SH3RF1: variants seen among roughly 807,000 people sequenced by gnomAD.
The protein encoded by SH3RF1 is SH3 domain containing ring finger 1, also known as E3 ubiquitin-protein ligase SH3RF1.
Under a neutral mutation model 74.0 loss-of-function variants are expected in SH3RF1, and 32 were observed. The ratio of observed to expected loss-of-function variants is 0.43; its 90% CI spans 0.33 to 0.58. The LOEUF (loss-of-function observed/expected upper bound fraction) is 0.58. Among genes scored for constraint, SH3RF1 ranks in the 20% least tolerant of loss-of-function variants. The pLI, the probability that SH3RF1 is intolerant of heterozygous loss-of-function variation, is 0.05. For missense variants in SH3RF1, 954 were observed against 1,130.9 expected (o/e 0.84, Z 2.24); for synonymous variants, 396 against 439.6 (o/e 0.90, Z 1.24).
chr4:169,258,184 C>T (rs1168095948), intron 2 of SH3RF1, among the ~76,000 whole-genome samples: 1 of 152,198 alleles, frequency 6.6e-6, no homozygotes, highest in East Asian at 1.9e-4. Flanking sequence ...AATCACATAG[C>T]CAGGACTAGA....
At chr4:169,209,659 C>G (rs1476031379) in intron 2 of SH3RF1, among the ~76,000 whole-genome samples, 1 of 152,210 alleles carries the variant, frequency 6.6e-6, no homozygotes, top group Admixed American at 6.5e-5. Flanking sequence ...TTAACTCACA[C>G]TGTGACATAA....
intron 2 of SH3RF1, among the ~76,000 whole-genome samples, chr4:169,180,136 T>C (rs1734483638): frequency 6.6e-6 from 1 of 152,212 alleles, no homozygotes; most frequent in Admixed American, 6.5e-5. Context: ...CAGCAAAGGC[T>C]AAAGAAACAA....
At chr4:169,215,941 C>G (rs1018728972) in intron 2 of SH3RF1, among the ~76,000 whole-genome samples, 1 of 151,980 alleles carries the variant, frequency 6.6e-6, no homozygotes, top group African/African-American at 2.4e-5. Context: ...GCGGCTGGGA[C>G]CACTGGCACA....
intron 2 of SH3RF1, among the ~76,000 whole-genome samples, chr4:169,194,647 GTTA>G (rs1018951673): frequency 1.7e-4 from 26 of 152,138 alleles, no homozygotes; most frequent in Admixed American, 1.3e-4. Flanking sequence ...CCAGGTGTTA[GTTA>G]TTATGAATGA....
At chr4:169,266,117 C>T (rs1171293716) in intron 2 of SH3RF1, among the ~76,000 whole-genome samples, 1 of 152,166 alleles carries the variant, frequency 6.6e-6, no homozygotes, top group East Asian at 1.9e-4. Context: ...CCCACACTCT[C>T]CTTTTCTCCT....
intron 4 of SH3RF1, among the ~76,000 whole-genome samples, chr4:169,141,534 A>G (rs1733786354): frequency 6.6e-6 from 1 of 152,128 alleles, no homozygotes; most frequent in Non-Finnish European, 1.5e-5. Context: ...CTATTTATTA[A>G]TGAGATTAAG....
At chr4:169,261,350 G>A (rs1046106623) in intron 2 of SH3RF1, among the ~76,000 whole-genome samples, 4 of 152,208 alleles carry the variant, frequency 2.6e-5, no homozygotes, top group Non-Finnish European at 5.9e-5. Context: ...CAAGGACAGT[G>A]AGGAAAGAAT....
chr4:169,205,643 A>G (rs994112449), intron 2 of SH3RF1, among the ~76,000 whole-genome samples: 3 of 152,134 alleles, frequency 2.0e-5, no homozygotes, highest in South Asian at 2.1e-4. Flanking sequence ...AATCTTCAGC[A>G]TATTTTTTCA....
Position 169,107,200 on chromosome 4 carries a change from T to C in SH3RF1, c.2145A>G (p.Glu715=), listed in dbSNP as rs1191738329. ...ATKPDKDSKK[E]KKGLLKLLSG... ...AAAGCAACTTCAACAAACCCTTTTT[T>C]TCTTTCTGGAAAAAAAAAATAATGA... Residue 715 remains glutamate, a synonymous_variant, in exon 11 of 12, where the codon GAA becomes GAG. Coordinates refer to ENST00000284637, the MANE Select transcript of SH3RF1 (RefSeq NM_020870.4). 1 of 1,536,220 alleles carries C rather than the reference T, an allele frequency of 6.5e-7. No individual in the cohort carries two copies. Among genetic ancestry groups the C allele is most frequent in the Admixed American group, 2.2e-5 (1 of 45,870 alleles).
chr4:169,201,971 G>C (rs991919533), intron 2 of SH3RF1: 1 of 152,160 alleles, frequency 6.6e-6, no homozygotes, highest in African/African-American at 2.4e-5. Context: ...AGCTATGAGA[G>C]AGGAGTCTTT....
Position 169,136,398 on chromosome 4 carries a change from CA to C in SH3RF1, c.987del (p.Val330SerfsTer30). 6.2e-7 allele frequency: 1 copy of C among 1,603,454 alleles called. No homozygotes were observed. The highest frequency in any genetic ancestry group is 8.5e-7 in the Non-Finnish European group (1 of 1,175,090). On this transcript the variant is annotated frameshift_variant, in exon 5 of 12. Coordinates refer to ENST00000284637, the MANE Select transcript of SH3RF1 (RefSeq NM_020870.4). LOFTEE classifies it high-confidence loss of function. ...QNRHSMEISP[P>X]VLISSSNPTA... ...GTGGGGTTGCTGGAGCTGATGAGGA[CA>C]GGGGGGCTGATCTCCATGGAGTGGC...
At chr4:169,213,907 T>G (rs1318645276) in intron 2 of SH3RF1, among the ~76,000 whole-genome samples, 2 of 152,252 alleles carry the variant, frequency 1.3e-5, no homozygotes, top group African/African-American at 4.8e-5. Context: ...CACACTGGCT[T>G]GATTGCTGTA....
At chr4:169,196,348 T>C (rs1734811295) in intron 2 of SH3RF1, among the ~76,000 whole-genome samples, 1 of 152,198 alleles carries the variant, frequency 6.6e-6, no homozygotes, top group African/African-American at 2.4e-5. Context: ...ATGAAACACA[T>C]TGAACAAAAC....
chr4:169,242,217 A>G (rs1161437266), intron 2 of SH3RF1, among the ~76,000 whole-genome samples: 1 of 152,112 alleles, frequency 6.6e-6, no homozygotes, highest in African/African-American at 2.4e-5. Context: ...ACCCATTCCA[A>G]TCATTGATCT....
chr4:169,154,994 T>C (rs1734028640), intron 4 of SH3RF1, among the ~76,000 whole-genome samples: 1 of 152,200 alleles, frequency 6.6e-6, no homozygotes, highest in South Asian at 2.1e-4. Context: ...GGCTAAGTAG[T>C]TGCTGGGATG....
intron 2 of SH3RF1, among the ~76,000 whole-genome samples, chr4:169,221,192 C>T (rs1294035699): frequency 1.3e-5 from 2 of 152,090 alleles, no homozygotes; most frequent in Admixed American, 6.5e-5. Context: ...AACACAAAAC[C>T]GCAGGCAAGT....
chr4:169,223,582 AAGAC>A (rs1308545992), intron 2 of SH3RF1, among the ~76,000 whole-genome samples: 1 of 152,236 alleles, frequency 6.6e-6, no homozygotes, highest in African/African-American at 2.4e-5. Flanking sequence ...CACCATGAAT[AAGAC>A]AGACAGTCAC....
chr4:169,159,767 T>G (rs1734122242), intron 2 of SH3RF1, among the ~76,000 whole-genome samples: 1 of 152,242 alleles, frequency 6.6e-6, no homozygotes, highest in South Asian at 2.1e-4. Context: ...CACAGCTGGA[T>G]GCTTTCCCTT....
chr4:169,110,086 C>T (rs944350659), intron 10 of SH3RF1, among the ~76,000 whole-genome samples: 15 of 142,194 alleles, frequency 1.1e-4, no homozygotes, highest in African/African-American at 3.1e-4. Context: ...AGAAAATGAA[C>T]GTTAGAGGCC....
Sources: gnomAD v4.1 joint callset for allele counts (sites outside exome capture counted in the v4.1 genomes callset) on GRCh38, gnomAD v4.1.1 for gene constraint, MANE v1.5 for transcripts, NCBI Gene and HGNC (gene_info 2026-07-23, HGNC 2026-07-21) for gene names.